STON2: variants seen among roughly 807,000 people sequenced by gnomAD.
The protein encoded by STON2 is stonin-2.
In STON2, 29 loss-of-function variants were observed where a neutral mutation model predicts 65.7. The ratio of observed to expected loss-of-function variants is 0.44; its 90% CI spans 0.33 to 0.60. STON2 has a LOEUF of 0.60. Among genes scored for constraint, STON2 ranks in the 20% least tolerant of loss-of-function variants. The probability of loss-of-function intolerance (pLI) is 0.03; values close to 1 mark genes in which losing one functional copy is unlikely to be tolerated. For synonymous variants in STON2, 404 were observed against 414.2 expected, an observed-to-expected ratio of 0.98 and a Z score of 0.30; for missense variants, 1,054 against 1,118.1, an observed-to-expected ratio of 0.94 and a Z score of 0.82.
At chr14:81,318,979 C>G (rs1459541569) in intron 5 of STON2, among the ~76,000 whole-genome samples, 1 of 152,238 alleles carries the variant, frequency 6.6e-6, no homozygotes, top group South Asian at 2.1e-4. Flanking sequence ...TTAAAATGAG[C>G]TTGCACACTG....
At chr14:81,434,553 A>G (rs773798715) in intron 1 of STON2, among the ~76,000 whole-genome samples, 1 of 152,312 alleles carries the variant, frequency 6.6e-6, no homozygotes, top group Middle Eastern at 3.4e-3. Context: ...AGACCCTAGA[A>G]GAACTGGGGC....
At chr14:81,314,466 T>C (rs1314600409) in intron 5 of STON2, among the ~76,000 whole-genome samples, 1 of 152,252 alleles carries the variant, frequency 6.6e-6, no homozygotes, top group Non-Finnish European at 1.5e-5. Context: ...TTTGACAAGA[T>C]GTATTTGTAA....
intron 2 of STON2, among the ~76,000 whole-genome samples, chr14:81,406,168 T>C (rs927169359): frequency 1.3e-5 from 2 of 152,200 alleles, no homozygotes; most frequent in African/African-American, 4.8e-5. Flanking sequence ...GGGGCTCGGA[T>C]TGGATTCCTT....
At chr14:81,435,014 GT>G (rs1555409809) in intron 1 of STON2, among the ~76,000 whole-genome samples, 1 of 152,058 alleles carries the variant, frequency 6.6e-6, no homozygotes, top group Non-Finnish European at 1.5e-5. Flanking sequence ...TAAGGGAGGA[GT>G]AAAAAGTATA....
intron 5 of STON2, among the ~76,000 whole-genome samples, chr14:81,315,519 C>CGCT (rs67063549): frequency 2.7e-4 from 2 of 7,330 alleles, no homozygotes; most frequent in Non-Finnish European, 6.9e-4. Flanking sequence ...AGGCAGGTGA[C>CGCT]GATACTGGCA....
intron 3 of STON2, among the ~76,000 whole-genome samples, chr14:81,372,462 C>A (rs1899044843): frequency 6.6e-6 from 1 of 150,622 alleles, no homozygotes; most frequent in Admixed American, 6.7e-5. Flanking sequence ...GGCTGACACA[C>A]AAGAACCGCT....
chr14:81,397,709 G>T lies in STON2; in HGVS notation c.88+586C>A, dbSNP rs115789308. 8.6e-3 allele frequency among the ~76,000 whole-genome samples: 1,305 copies of T among 152,244 alleles called. 26 individuals are homozygous for T. The highest frequency in any genetic ancestry group is 0.03 in the African/African-American group (1,237 of 41,538). On this transcript the variant is annotated intron_variant, in intron 2 of 7. Transcript: ENST00000614646. ...CATCCCTGAGCACAAGTTCTCCAAA[G>T]TCAATATAGTCATCCTCCTTATGAT...
At chr14:81,272,304 G>C (rs1894632030) in intron 6 of STON2, among the ~76,000 whole-genome samples, 1 of 152,202 alleles carries the variant, frequency 6.6e-6, no homozygotes. Flanking sequence ...ATAACCTCAT[G>C]GTCCCCAAAA....
intron 1 of STON2, among the ~76,000 whole-genome samples, chr14:81,430,163 C>A (rs1902169001): frequency 6.6e-6 from 1 of 152,182 alleles, no homozygotes; most frequent in South Asian, 2.1e-4. Context: ...TGAACCTTCC[C>A]AGCCCAGCAC....
At position 81,405,460 on chromosome 14, in the gene STON2, G is replaced by GC. The variant is rs1555407126; in HGVS notation, c.-198-6881_-198-6880insG. On this transcript the variant is annotated intron_variant, in intron 2 of 8. Coordinates refer to the STON2 transcript ENST00000553821. ...AGACCATTTGGGATTAGTTACTATT[G>GC]TTTTTTTTTTTTTTTTGCTTGACTA... Among the ~76,000 whole-genome samples, 30 of 63,332 alleles carry GC rather than the reference G, an allele frequency of 4.7e-4. No individual in the cohort carries two copies. In the South Asian group the frequency reaches 0.014, roughly 29 times the overall value. The allele number at this position is 63,332 out of a possible 152,430, so 41.5% of individuals were successfully genotyped here.
At chr14:81,322,051 CA>C (rs1342140124) in intron 5 of STON2, among the ~76,000 whole-genome samples, 1 of 152,218 alleles carries the variant, frequency 6.6e-6, no homozygotes, top group Non-Finnish European at 1.5e-5. Context: ...CGTCCGTCTA[CA>C]TAAGTACCCC....
In STON2 at chr14:81,265,812, G is replaced by T. The variant is rs1040188424; in HGVS notation, c.*2602C>A. The stretch of plus-strand genomic sequence containing the variant: ...CACAGGAAATGAGAATTTACCATGG[G>T]GGGCGGGGAAATAAGCTCCAACAAG... On this transcript the variant is annotated 3_prime_UTR_variant, in exon 8 of 8. Transcript: ENST00000614646. 3 of 985,104 alleles carry T rather than the reference G, an allele frequency of 3.0e-6. No individual in the cohort carries two copies. In the African/African-American group the frequency reaches 5.2e-5, roughly 17 times the overall value. 61.0% of individuals were successfully genotyped at this position (985,104 alleles called of 1,614,324 possible).
chr14:81,389,024 A>C (rs1022516322), intron 3 of STON2, among the ~76,000 whole-genome samples: 1 of 152,136 alleles, frequency 6.6e-6, no homozygotes, highest in Non-Finnish European at 1.5e-5. Flanking sequence ...AACAACATCC[A>C]CAGAGGGGTT....
chr14:81,366,664 A>G (rs3915227), intron 4 of STON2, among the ~76,000 whole-genome samples: 80,956 of 151,506 alleles, frequency 0.53, 22,644 homozygotes, highest in East Asian at 0.73. Flanking sequence ...TCCCCACTGC[A>G]TCTCTGTATT....
chr14:81,264,899 G>A lies in STON2; in HGVS notation c.*3515C>T. 1.0e-6 allele frequency: 1 copy of A among 985,332 alleles called. No homozygotes were observed. The highest frequency in any genetic ancestry group is 5.2e-4 in the Middle Eastern group (1 of 1,914). The allele number at this position is 985,332 out of a possible 1,614,324, so 61.0% of individuals were successfully genotyped here. ...CATTGTCTTGTCTGACATGTCATGAGTACATTTCTTATCTTTTTGCTGTAA... is the reference window on the plus strand; with the variant it reads ...CATTGTCTTGTCTGACATGTCATGAATACATTTCTTATCTTTTTGCTGTAA... On this transcript the variant is annotated 3_prime_UTR_variant, in exon 8 of 8. Coordinates refer to ENST00000614646, the MANE Select transcript of STON2 (RefSeq NM_001394390.1).
chr14:81,364,897 A>T (rs896975419), intron 4 of STON2, among the ~76,000 whole-genome samples: 24 of 152,140 alleles, frequency 1.6e-4, no homozygotes, highest in Admixed American at 1.4e-3. Flanking sequence ...CAATAACATA[A>T]ACACAGCCTG....
chr14:81,363,191 A>G (rs1468891699), intron 4 of STON2, among the ~76,000 whole-genome samples: 1 of 152,232 alleles, frequency 6.6e-6, no homozygotes, highest in East Asian at 1.9e-4. Context: ...TTGTTTCTGC[A>G]TTCATAAAAT....
chr14:81,402,402 C>G (rs1900652537), upstream of STON2, among the ~76,000 whole-genome samples: 2 of 152,170 alleles, frequency 1.3e-5, no homozygotes, highest in African/African-American at 4.8e-5. Context: ...ACCACAGCAA[C>G]CTAAAACAAT....
intron 5 of STON2, among the ~76,000 whole-genome samples, chr14:81,295,482 C>T (rs532632235): frequency 3.3e-5 from 5 of 152,288 alleles, no homozygotes; most frequent in African/African-American, 1.2e-4. Flanking sequence ...GAGGTCATGG[C>T]TTTTTCAACG....
Sources: gnomAD v4.1 joint callset for allele counts (sites outside exome capture counted in the v4.1 genomes callset) on GRCh38, gnomAD v4.1.1 for gene constraint, MANE v1.5 for transcripts, NCBI Gene and HGNC (gene_info 2026-07-23, HGNC 2026-07-21) for gene names.